SCN2A: variants seen among roughly 807,000 people sequenced by gnomAD.
SCN2A encodes sodium voltage-gated channel alpha subunit 2.
A neutral mutation model predicts 188.7 loss-of-function variants in SCN2A; 20 were observed. The observed-to-expected ratio is 0.11, with a 90% confidence interval of 0.07 to 0.15. The LOEUF (loss-of-function observed/expected upper bound fraction) is 0.15. SCN2A is among the 10% of genes least tolerant of loss of function. SCN2A has a pLI of 1.00. For synonymous variants in SCN2A, 804 were observed against 833.1 expected (o/e 0.97, Z 0.60); for missense variants, 1,278 against 2,445.0 (o/e 0.52, Z 10.07).
chr2:165,318,118 T>C (rs1488020349), intron 11 of SCN2A, among the ~76,000 whole-genome samples: 2 of 152,144 alleles, frequency 1.3e-5, no homozygotes, highest in African/African-American at 4.8e-5. Flanking sequence ...GACCCCAAAA[T>C]ATTAGGAATT....
In SCN2A at chr2:165,310,200, A is replaced by G. The variant is rs188805953; in HGVS notation, c.698-123A>G. The G allele has an allele frequency of 5.4e-4, 570 of 1,060,194 alleles. 1 individual carries two copies. Among genetic ancestry groups the G allele is most frequent in the East Asian group, 1.9e-3 (82 of 42,296 alleles). 65.7% of individuals were successfully genotyped at this position (1,060,194 alleles called of 1,614,324 possible). A position where few individuals can be genotyped will look rare whatever the true frequency, so the allele number is the denominator to read the frequency against. On this transcript the variant is annotated intron_variant, in intron 6 of 26. Transcript: ENST00000375437. ...AAAATGTTATTCAATCACAAACATT[A>G]AACTAATATTGTTGGCATTCTGCAT...
At chr2:165,368,766 T>G (rs1329699739) in intron 19 of SCN2A, among the ~76,000 whole-genome samples, 2 of 152,194 alleles carry the variant, frequency 1.3e-5, no homozygotes, top group Non-Finnish European at 2.9e-5. Context: ...CTGTTTCAAT[T>G]TAATTAATAA....
chr2:165,344,595 A>G lies in SCN2A; in HGVS notation c.2603A>G (p.Asn868Ser). The G allele has an allele frequency of 6.2e-7, 1 of 1,614,162 alleles. No homozygotes were observed. The highest frequency in any genetic ancestry group is 1.1e-5 in the South Asian group (1 of 91,080). Residue 868 changes from asparagine (N) to serine (S), a missense_variant, in exon 16 of 27, where the codon AAT becomes AGT. Asn to Ser is a conservative substitution (Grantham distance 46, BLOSUM62 1). Transcript: ENST00000375437. ...TTGGCAAAATCTTGGCCAACTCTAAATATGCTAATTAAGATCATTGGCAAT... is the reference window on the plus strand; with the variant it reads ...TTGGCAAAATCTTGGCCAACTCTAAGTATGCTAATTAAGATCATTGGCAAT... ...FKLAKSWPTL[N>S]MLIKIIGNSV...
intron 1 of SCN2A, among the ~76,000 whole-genome samples, chr2:165,263,605 T>A (rs1295741897): frequency 6.6e-6 from 1 of 152,166 alleles, no homozygotes; most frequent in African/African-American, 2.4e-5. Context: ...CAGTACCTGC[T>A]GTTTTGGTGA....
At chr2:165,265,515 A>ATATATATATATATT (rs1188795670) in intron 1 of SCN2A, among the ~76,000 whole-genome samples, 5 of 115,458 alleles carry the variant, frequency 4.3e-5, no homozygotes, top group East Asian at 5.7e-4. Flanking sequence ...ATATATATAT[A>ATATATATATATATT]TTGCTGTGCA....
intron 1 of SCN2A, among the ~76,000 whole-genome samples, chr2:165,292,597 G>T (rs1053182614): frequency 6.6e-6 from 1 of 151,770 alleles, no homozygotes; most frequent in Non-Finnish European, 1.5e-5. Context: ...TTCTGTTTTT[G>T]CCCAACAAAT....
chr2:165,257,981 T>TTTG (rs142097858), intron 1 of SCN2A, among the ~76,000 whole-genome samples: 205 of 151,688 alleles, frequency 1.4e-3, no homozygotes, highest in Middle Eastern at 3.4e-3. Flanking sequence ...TAATGGTGGT[T>TTTG]TTGTTGTTGT....
In SCN2A at chr2:165,391,473, T is replaced by C. The variant is rs1702121344; in HGVS notation, c.*1649T>C. 1 of 152,558 alleles carries C rather than the reference T, an allele frequency of 6.6e-6. No individual in the cohort carries two copies. The highest frequency in any genetic ancestry group is 2.1e-4 in the South Asian group (1 of 4,832). 9.5% of individuals were successfully genotyped at this position (152,558 alleles called of 1,614,324 possible). A position where few individuals can be genotyped will look rare whatever the true frequency, so the allele number is the denominator to read the frequency against. On this transcript the variant is annotated 3_prime_UTR_variant, in exon 27 of 27. Transcript: ENST00000375437. ...GATGTCACAGTCACTATTGTTAGTTTCTGTTCCTAGCACTTTTAAATTGAA... is the reference window on the plus strand; with the variant it reads ...GATGTCACAGTCACTATTGTTAGTTCCTGTTCCTAGCACTTTTAAATTGAA...
intron 5 of SCN2A, 89 bp downstream of exon 5, chr2:165,308,883 G>A: frequency 6.7e-7 from 1 of 1,491,890 alleles, no homozygotes; most frequent in African/African-American, 1.4e-5. Flanking sequence ...TGCCTTGACA[G>A]ACCAAGCATT....
At chr2:165,287,696 T>C (rs1695913758) in intron 1 of SCN2A, among the ~76,000 whole-genome samples, 1 of 152,174 alleles carries the variant, frequency 6.6e-6, no homozygotes, top group Non-Finnish European at 1.5e-5. Flanking sequence ...ATTGCTTCTC[T>C]TCTCTGCTCC....
At chr2:165,377,737 A>C in intron 23 of SCN2A, 87 bp downstream of exon 23, 1 of 1,072,794 alleles carries the variant, frequency 9.3e-7, no homozygotes, top group Non-Finnish European at 1.4e-6. Flanking sequence ...CAATAAAATA[A>C]AATTATGTGC....
intron 14 of SCN2A, among the ~76,000 whole-genome samples, chr2:165,331,883 T>G (rs1371812873): frequency 6.6e-6 from 1 of 152,102 alleles, no homozygotes; most frequent in Admixed American, 6.6e-5. Context: ...ATAGGTTCTT[T>G]AGGACATGTC....
rs532584821 is a variant in SCN2A, at chr2:165,273,315, T to C, written c.-51-22458T>C. ...GTTGTGAAATCTCTGTTCTGAGATA[T>C]GTGACAAAACCATCTGTCTCTGATT... On this transcript the variant is annotated intron_variant, in intron 1 of 26. Transcript: ENST00000375437. 1.4e-4 allele frequency: 21 copies of C among 152,292 alleles called. 1 individual carries two copies. Among genetic ancestry groups the C allele is most frequent in the African/African-American group, 4.3e-4 (18 of 41,578 alleles). 9.4% of individuals were successfully genotyped at this position (152,292 alleles called of 1,614,324 possible).
chr2:165,360,687 G>T (rs373007029), intron 17 of SCN2A, among the ~76,000 whole-genome samples: 42 of 151,944 alleles, frequency 2.8e-4, no homozygotes, highest in African/African-American at 9.4e-4. Flanking sequence ...CTAGGCAAGG[G>T]CTATGCTACA....
intron 1 of SCN2A, chr2:165,268,602 A>G (rs1170076345): frequency 1.3e-5 from 2 of 152,550 alleles, no homozygotes; most frequent in African/African-American, 4.8e-5. Flanking sequence ...AAAAGTTGAA[A>G]GCATTCCCCC....
chr2:165,306,444 A>C (rs1432503066), intron 3 of SCN2A, among the ~76,000 whole-genome samples: 2 of 151,512 alleles, frequency 1.3e-5, no homozygotes, highest in Non-Finnish European at 2.9e-5. Context: ...TTCTTTATTT[A>C]ATTTAGTTTT....
At chr2:165,247,533 C>G (rs997571008) in intron 1 of SCN2A, among the ~76,000 whole-genome samples, 3 of 152,140 alleles carry the variant, frequency 2.0e-5, no homozygotes, top group African/African-American at 7.2e-5. Context: ...CTGTCTCCCC[C>G]TTGATACACT....
intron 1 of SCN2A, among the ~76,000 whole-genome samples, chr2:165,240,694 T>TGTGTGTGTGTGTGTGTGTGA (rs755090637): frequency 1.3e-5 from 2 of 150,504 alleles, no homozygotes; most frequent in African/African-American, 4.9e-5. Flanking sequence ...TGTGTGTGTG[T>TGTGTGTGTGTGTGTGTGTGA]GATGGTGGAG....
chr2:165,377,539 T>A, intron 22 of SCN2A, 58 bp from the exon 23 acceptor site: 1 of 1,410,310 alleles, frequency 7.1e-7, no homozygotes, highest in Non-Finnish European at 9.9e-7. Context: ...AATTATTCAA[T>A]TTATTTTCTA....
Sources: gnomAD v4.1 joint callset for allele counts (sites outside exome capture counted in the v4.1 genomes callset) on GRCh38, gnomAD v4.1.1 for gene constraint, MANE v1.5 for transcripts, NCBI Gene and HGNC (gene_info 2026-07-23, HGNC 2026-07-21) for gene names.